CPNE4: variants seen among roughly 807,000 people sequenced by gnomAD.
The protein encoded by CPNE4 is copine 4, also known as copine-4.
CPNE4 carries 25 observed loss-of-function variants against 67.9 expected under a neutral mutation model. The observed-to-expected ratio is 0.37, with a 90% CI of 0.27 to 0.51. The LOEUF (loss-of-function observed/expected upper bound fraction) is 0.51, where lower values mean the gene tolerates loss of function less well. Ranked by LOEUF, CPNE4 falls within the 20% of genes least tolerant of loss-of-function variation. The pLI is 0.93. For synonymous variants in CPNE4, 242 were observed against 244.9 expected (o/e 0.99, Z 0.11); for missense variants, 464 against 690.8 (o/e 0.67, Z 3.68).
At chr3:131,671,524 G>T (rs930421008) in intron 6 of CPNE4, among the ~76,000 whole-genome samples, 1 of 151,430 alleles carries the variant, frequency 6.6e-6, no homozygotes, top group Non-Finnish European at 1.5e-5. Context: ...AGTTTTGCCT[G>T]GTATTTATTT....
intron 5 of CPNE4, among the ~76,000 whole-genome samples, chr3:131,687,482 C>T (rs7640671): frequency 0.012 from 1,866 of 152,224 alleles, 37 homozygotes; most frequent in African/African-American, 0.041. Context: ...ATTTTTATTA[C>T]GAATTTCACC....
chr3:131,596,849 C>T (rs1938910800), intron 7 of CPNE4, among the ~76,000 whole-genome samples: 2 of 152,030 alleles, frequency 1.3e-5, no homozygotes, highest in South Asian at 2.1e-4. Flanking sequence ...AGCCAGCCCC[C>T]AACAATAGCC....
intron 9 of CPNE4, among the ~76,000 whole-genome samples, chr3:131,580,807 G>T (rs193190541): frequency 6.6e-6 from 1 of 152,110 alleles, no homozygotes; most frequent in Admixed American, 6.6e-5. Context: ...GAAGGAATTC[G>T]TAAGCCCTTT....
At chr3:131,801,369 T>C in intron 2 of CPNE4, among the ~76,000 whole-genome samples, 1 of 134,132 alleles carries the variant, frequency 7.5e-6, no homozygotes, top group South Asian at 2.4e-4. Flanking sequence ...TATATATATG[T>C]ACCATATATA....
At chr3:131,781,326 A>C (rs1411080053) in intron 2 of CPNE4, among the ~76,000 whole-genome samples, 2 of 152,166 alleles carry the variant, frequency 1.3e-5, no homozygotes, top group Admixed American at 1.3e-4. Flanking sequence ...GTTGCAAGAC[A>C]CATTACTGTC....
chr3:131,614,293 G>A (rs1278596455), intron 7 of CPNE4, among the ~76,000 whole-genome samples: 1 of 152,150 alleles, frequency 6.6e-6, no homozygotes, highest in Non-Finnish European at 1.5e-5. Flanking sequence ...TTAAAATCAT[G>A]GTCACTGCCC....
chr3:131,708,957 G>GATTATATATAT (rs1472179364), intron 3 of CPNE4, among the ~76,000 whole-genome samples: 5 of 65,846 alleles, frequency 7.6e-5, no homozygotes, highest in Admixed American at 3.9e-4. Context: ...AGGGCATAAA[G>GATTATATATAT]ATATATATAT....
intron 6 of CPNE4, among the ~76,000 whole-genome samples, chr3:131,685,645 G>T (rs1359220817): frequency 6.6e-6 from 1 of 152,122 alleles, no homozygotes; most frequent in Admixed American, 6.6e-5. Context: ...AGCTCGGCGT[G>T]GTGGTGGGTG....
intron 2 of CPNE4, among the ~76,000 whole-genome samples, chr3:131,755,562 C>A (rs1390311451): frequency 2.6e-5 from 4 of 152,142 alleles, no homozygotes; most frequent in Non-Finnish European, 4.4e-5. Flanking sequence ...AATTACAAAT[C>A]AATTACTGTT....
At chr3:131,564,158 A>T in intron 11 of CPNE4, 58 bp downstream of exon 11, 1 of 1,603,594 alleles carries the variant, frequency 6.2e-7, no homozygotes, top group Non-Finnish European at 8.5e-7. Context: ...GATCAGCCAA[A>T]GACCGTCTGA....
chr3:131,674,694 G>A (rs1301532668), intron 6 of CPNE4, among the ~76,000 whole-genome samples: 1 of 150,846 alleles, frequency 6.6e-6, no homozygotes, highest in Non-Finnish European at 1.5e-5. Context: ...ATTTATTTGG[G>A]TATTCTGTCT....
intron 2 of CPNE4, among the ~76,000 whole-genome samples, chr3:131,886,538 AC>A (rs1429341617): frequency 2.6e-5 from 4 of 151,894 alleles, no homozygotes; most frequent in Non-Finnish European, 4.4e-5. Flanking sequence ...TGTCCTCCAG[AC>A]CCCAGAATGG....
chr3:131,884,812 T>G (rs1304515363), intron 2 of CPNE4, among the ~76,000 whole-genome samples: 1 of 152,172 alleles, frequency 6.6e-6, no homozygotes, highest in Non-Finnish European at 1.5e-5. Flanking sequence ...CTGCTATCCA[T>G]GTAAGATGTG....
At chr3:131,842,418 T>C (rs952412990) in intron 2 of CPNE4, among the ~76,000 whole-genome samples, 1 of 152,202 alleles carries the variant, frequency 6.6e-6, no homozygotes, top group African/African-American at 2.4e-5. Context: ...GGGATCCAGA[T>C]GACTGCATGA....
At chr3:132,010,546 T>G (rs2073732636) in intron 1 of CPNE4, among the ~76,000 whole-genome samples, 1 of 152,162 alleles carries the variant, frequency 6.6e-6, no homozygotes, top group Admixed American at 6.5e-5. Context: ...TTATTATTGT[T>G]GCTTTGCTCA....
intron 2 of CPNE4, among the ~76,000 whole-genome samples, chr3:131,814,511 C>T (rs532105269): frequency 6.2e-4 from 92 of 148,116 alleles, no homozygotes; most frequent in Non-Finnish European, 1.1e-3. Flanking sequence ...TCATTAATCA[C>T]TACCACAAGA....
At chr3:131,758,213 C>A (rs2082800853) in intron 2 of CPNE4, among the ~76,000 whole-genome samples, 1 of 152,156 alleles carries the variant, frequency 6.6e-6, no homozygotes, top group South Asian at 2.1e-4. Context: ...ACACTCAATG[C>A]CAGCCCATGA....
At chr3:131,676,994 C>G (rs911602088) in intron 6 of CPNE4, among the ~76,000 whole-genome samples, 2 of 151,952 alleles carry the variant, frequency 1.3e-5, no homozygotes, top group African/African-American at 4.8e-5. Flanking sequence ...TACACTCCCA[C>G]CAACAGTGTA....
At chr3:131,734,491 G>T (rs1051480733) in intron 2 of CPNE4, among the ~76,000 whole-genome samples, 1 of 152,146 alleles carries the variant, frequency 6.6e-6, no homozygotes, top group Non-Finnish European at 1.5e-5. Flanking sequence ...TTGAATATAG[G>T]AGGAGTAGGA....
Sources: gnomAD v4.1 joint callset for allele counts (sites outside exome capture counted in the v4.1 genomes callset) on GRCh38, gnomAD v4.1.1 for gene constraint, MANE v1.5 for transcripts, NCBI Gene and HGNC (gene_info 2026-07-23, HGNC 2026-07-21) for gene names.